The following SMC6 variants were observed in gnomAD, a reference collection of about 807,000 sequenced individuals.
SMC6 encodes structural maintenance of chromosomes protein 6.
In SMC6, 79 loss-of-function variants were observed where a neutral mutation model predicts 142.2. That is an observed-to-expected ratio of 0.56 (90% CI 0.46 to 0.67). SMC6 has a LOEUF of 0.67. Among genes scored for constraint, SMC6 ranks in the 30% least tolerant of loss-of-function variants. The probability of loss-of-function intolerance (pLI) is 0.00; values close to 1 mark genes in which losing one functional copy is unlikely to be tolerated. For synonymous variants in SMC6, 411 were observed against 412.4 expected (o/e 1.00, Z 0.04); for missense variants, 1,072 against 1,284.0 (o/e 0.83, Z 2.52).
At chr2:17,684,263 G>A (rs1402221060) in intron 23 of SMC6, among the ~76,000 whole-genome samples, 1 of 152,194 alleles carries the variant, frequency 6.6e-6, no homozygotes. Flanking sequence ...GCCTATTACT[G>A]TGGCAAGCCT....
chr2:17,703,073 G>T, intron 19 of SMC6, 84 bp downstream of exon 19: 9 of 849,224 alleles, frequency 1.1e-5, no homozygotes, highest in Non-Finnish European at 1.6e-5. Context: ...GAATTGCTTG[G>T]AGTCAATAAT....
In SMC6 at chr2:17,694,537, T is replaced by G. The variant is rs150292409; in HGVS notation, c.2678+615A>C. Among the ~76,000 whole-genome samples, 735 of 152,328 alleles carry G rather than the reference T, an allele frequency of 4.8e-3. 4 individuals are homozygous for G. The highest frequency in any genetic ancestry group is 0.016 in the African/African-American group (682 of 41,578). On this transcript the variant is annotated intron_variant, in intron 23 of 27. Coordinates refer to ENST00000448223, the MANE Select transcript of SMC6 (RefSeq NM_001142286.2). ...TAAATGCTTTTCAGAAAGACATTAA[T>G]GGTAACAACTAATATACTATATTTC...
chr2:17,698,807 C>T (rs1010417228), intron 21 of SMC6, among the ~76,000 whole-genome samples: 1 of 152,024 alleles, frequency 6.6e-6, no homozygotes, highest in South Asian at 2.1e-4. Context: ...GATTCCATCT[C>T]GATTTATCTG....
chr2:17,666,217 A>G (rs193162993), intron 27 of SMC6, among the ~76,000 whole-genome samples: 2 of 152,366 alleles, frequency 1.3e-5, no homozygotes, highest in Admixed American at 6.5e-5. Flanking sequence ...AACTTGCTTC[A>G]GTTATGAAAG....
intron 24 of SMC6, chr2:17,679,977 T>C (rs200961767): frequency 1.3e-5 from 2 of 152,182 alleles, no homozygotes; most frequent in East Asian, 3.9e-4. Flanking sequence ...ATTCCCACAC[T>C]AGAAATCACT....
intron 23 of SMC6, among the ~76,000 whole-genome samples, chr2:17,692,124 C>A (rs6745843): frequency 6.6e-6 from 1 of 151,870 alleles, no homozygotes. Flanking sequence ...AAAATGGCCA[C>A]ACTGCCCAAG....
intron 14 of SMC6, 56 bp from the exon 15 acceptor site, chr2:17,716,320 T>A (rs1296050809): frequency 3.2e-6 from 5 of 1,545,218 alleles, no homozygotes; most frequent in Non-Finnish European, 4.4e-6. Context: ...ACAGAAACAT[T>A]TAACCTTTGC....
intron 9 of SMC6, 68 bp from the exon 10 acceptor site, chr2:17,721,329 A>G: frequency 1.4e-6 from 2 of 1,442,438 alleles, no homozygotes; most frequent in South Asian, 3.1e-5. Context: ...TTGCAAATCT[A>G]TTTCTTTTAA....
intron 23 of SMC6, among the ~76,000 whole-genome samples, chr2:17,686,082 A>G (rs1403900405): frequency 6.6e-6 from 1 of 152,206 alleles, no homozygotes; most frequent in East Asian, 1.9e-4. Context: ...GCCATCAGAC[A>G]GGCACAAATT....
At chr2:17,727,485 T>C (rs1307751887) in intron 7 of SMC6, among the ~76,000 whole-genome samples, 1 of 145,342 alleles carries the variant, frequency 6.9e-6, no homozygotes, top group Non-Finnish European at 1.5e-5. Flanking sequence ...ATCATGTGAG[T>C]TAATATTTAA....
Position 17,695,306 on chromosome 2 carries a change from G to GTAGATGT in SMC6, c.2533-16_2533-10dup. Reference sequence around the variant, plus strand: ...GCTTGTGACATTTTCTCCTAAGAAAGTAGATGTTTATATCTTTAAAACTCT... The same window carrying GTAGATGT: ...GCTTGTGACATTTTCTCCTAAGAAAGTAGATGTTAGATGTTTATATCTTTAAAACTCT... On this transcript the variant is annotated splice_polypyrimidine_tract_variant and intron_variant, in intron 22 of 27. Transcript: ENST00000448223. The GTAGATGT allele has an allele frequency of 6.8e-6, 11 of 1,610,314 alleles. No individual in the cohort carries two copies. Among genetic ancestry groups the GTAGATGT allele is most frequent in the Non-Finnish European group, 9.3e-6 (11 of 1,179,162 alleles).
intron 10 of SMC6, 39 bp downstream of exon 10, chr2:17,721,103 T>C: frequency 6.2e-7 from 1 of 1,611,678 alleles, no homozygotes. Flanking sequence ...ATTCTGCATA[T>C]CACATAGATA....
At chr2:17,734,031 G>GCA (rs1207344991) in intron 5 of SMC6, among the ~76,000 whole-genome samples, 1 of 152,150 alleles carries the variant, frequency 6.6e-6, no homozygotes, top group African/African-American at 2.4e-5. Context: ...AGAGCATAGT[G>GCA]CACACACACA....
chr2:17,735,594 T>C (rs1214510496), intron 5 of SMC6, among the ~76,000 whole-genome samples: 1 of 151,940 alleles, frequency 6.6e-6, no homozygotes, highest in Non-Finnish European at 1.5e-5. Context: ...GCTACCAGGG[T>C]TGGTATTAGG....
At chr2:17,739,270 A>AGGCTGAGATGGGAGGCTCAT (rs1293509579) in intron 4 of SMC6, among the ~76,000 whole-genome samples, 1 of 152,104 alleles carries the variant, frequency 6.6e-6, no homozygotes, top group Non-Finnish European at 1.5e-5. Context: ...GCGTTTTGGG[A>AGGCTGAGATGGGAGGCTCAT]GGCTGAGATG....
chr2:17,717,056 T>C (rs1406737509), intron 13 of SMC6, 32 bp downstream of exon 13: 1 of 1,587,258 alleles, frequency 6.3e-7, no homozygotes, highest in East Asian at 2.2e-5. Flanking sequence ...CAAAATGGGA[T>C]AGCCATGAAA....
At chr2:17,683,843 T>A (rs977145227) in intron 23 of SMC6, 80 bp from the exon 24 acceptor site, 17 of 1,357,246 alleles carry the variant, frequency 1.3e-5, no homozygotes, top group South Asian at 6.1e-5. Flanking sequence ...CAGATTTAAC[T>A]GGGAAGAACA....
In SMC6 at chr2:17,717,117, A is replaced by T. The variant is rs754280751; in HGVS notation, c.1152T>A (p.Leu384=). The T allele has an allele frequency of 6.2e-7, 1 of 1,612,620 alleles. No homozygotes were observed. Among genetic ancestry groups the T allele is most frequent in the Admixed American group, 1.7e-5 (1 of 59,810 alleles). The change falls in exon 13 of 28, where the codon CTT becomes CTA. Residue 384 remains leucine, a synonymous_variant. Coordinates refer to ENST00000448223, the MANE Select transcript of SMC6 (RefSeq NM_001142286.2). ...YKALKKDDEQ[L]CKRIEELKKS... ...TTTTCAGCTCTTCAATTCGTTTACA[A>T]AGCTGCTCATCATCTTTCTTTAATG...
At position 17,738,227 on chromosome 2, in the gene SMC6, C is replaced by T; in HGVS notation, c.338G>A (p.Gly113Glu). 1.9e-6 allele frequency: 3 copies of T among 1,607,598 alleles called. No homozygotes were observed. Among genetic ancestry groups the T allele is most frequent in the Non-Finnish European group, 2.6e-6 (3 of 1,175,870 alleles). ...GSSLKGFVKD[G>E]QNSADISITL... is the part of the protein sequence containing the mutation. The stretch of plus-strand genomic sequence containing the variant: ...GTAGAAAGCAAACACTTACTTCTGT[C>T]CATCTTTCACAAAACCTTTTAAAGA... The change falls in exon 5 of 28, where the codon GGA becomes GAA. Residue 113 changes from glycine to glutamate, a missense_variant. By Grantham distance (98) the Gly-to-Glu change is moderately conservative. Coordinates refer to ENST00000448223, the MANE Select transcript of SMC6 (RefSeq NM_001142286.2).
Sources: gnomAD v4.1 joint callset for allele counts (sites outside exome capture counted in the v4.1 genomes callset) on GRCh38, gnomAD v4.1.1 for gene constraint, MANE v1.5 for transcripts, NCBI Gene and HGNC (gene_info 2026-07-23, HGNC 2026-07-21) for gene names.